ATP8A2: variants seen among roughly 807,000 people sequenced by gnomAD.
ATP8A2 encodes the protein ATPase phospholipid transporting 8A2.
Under a neutral mutation model 165.6 loss-of-function variants are expected in ATP8A2, and 100 were observed. The observed-to-expected ratio is 0.60, with a 90% CI of 0.51 to 0.71. The LOEUF is 0.71. ATP8A2 is among the 30% of genes least tolerant of loss of function. The pLI is 0.00. For synonymous variants in ATP8A2, 543 were observed against 548.8 expected (o/e 0.99, Z 0.15); for missense variants, 1,227 against 1,479.5 (o/e 0.83, Z 2.80).
chr13:25,399,896 T>TTCTCCTC (rs1555264991), intron 1 of ATP8A2, among the ~76,000 whole-genome samples: 27 of 37,086 alleles, frequency 7.3e-4, no homozygotes, highest in Middle Eastern at 0.014. Context: ...CTCCTCCTCC[T>TTCTCCTC]CTTATTCTTC....
intron 25 of ATP8A2, among the ~76,000 whole-genome samples, chr13:25,712,292 G>A (rs1050264243): frequency 6.6e-6 from 1 of 152,144 alleles, no homozygotes; most frequent in Non-Finnish European, 1.5e-5. Context: ...CTCTCAGTCT[G>A]CACAGTACCA....
chr13:25,619,878 T>C (rs1346376113), intron 24 of ATP8A2, among the ~76,000 whole-genome samples: 1 of 152,206 alleles, frequency 6.6e-6, no homozygotes, highest in East Asian at 1.9e-4. Context: ...TGAAAACCGT[T>C]CTTAGATTAC....
At chr13:26,002,650 C>G (rs1956653233) in intron 35 of ATP8A2, among the ~76,000 whole-genome samples, 1 of 151,658 alleles carries the variant, frequency 6.6e-6, no homozygotes, top group Non-Finnish European at 1.5e-5. Context: ...CTCCTCCACT[C>G]TCAACCCCAG....
chr13:25,646,995 T>C (rs931064090), intron 24 of ATP8A2, among the ~76,000 whole-genome samples: 2 of 152,236 alleles, frequency 1.3e-5, no homozygotes, highest in South Asian at 4.1e-4. Context: ...TTTGATTACA[T>C]GCAACAACAC....
In ATP8A2 at chr13:25,696,099, C is replaced by T. The variant is rs552948389; in HGVS notation, c.2212-3074C>T. Among the ~76,000 whole-genome samples the T allele has an allele frequency of 5.3e-5, 8 of 152,314 alleles. No homozygotes were observed. The South Asian group carries it at 1.0e-3, about 20-fold the overall frequency. On this transcript the variant is annotated intron_variant, in intron 24 of 36. Coordinates refer to ENST00000381655, the MANE Select transcript of ATP8A2 (RefSeq NM_016529.6). Reference sequence around the variant, plus strand: ...CATGAAAACAACATTCATTCATCAACGATGTCTCTATCAGAGCTTTGGGTG... The same window carrying T: ...CATGAAAACAACATTCATTCATCAATGATGTCTCTATCAGAGCTTTGGGTG...
At position 25,549,317 on chromosome 13, in the gene ATP8A2, G is replaced by T. The variant is rs562779875; in HGVS notation, c.892-2021G>T. On this transcript the variant is annotated intron_variant, in intron 10 of 36. Coordinates refer to ENST00000381655, the MANE Select transcript of ATP8A2 (RefSeq NM_016529.6). The stretch of plus-strand genomic sequence containing the variant: ...TACTAAAAATACAAAAAAATTAGTC[G>T]GGCATGGTGGCGCACACTTGTAATC... 5.3e-5 allele frequency among the ~76,000 whole-genome samples: 8 copies of T among 152,118 alleles called. No homozygotes were observed. The South Asian group carries it at 1.7e-3, about 32-fold the overall frequency.
At chr13:25,802,370 A>C (rs1220942489) in intron 27 of ATP8A2, among the ~76,000 whole-genome samples, 19 of 152,188 alleles carry the variant, frequency 1.2e-4, no homozygotes. Context: ...GCATTGAAAG[A>C]TGGGATGACT....
At chr13:25,785,637 A>G (rs2045005259) in intron 27 of ATP8A2, among the ~76,000 whole-genome samples, 2 of 152,176 alleles carry the variant, frequency 1.3e-5, no homozygotes, top group Non-Finnish European at 2.9e-5. Flanking sequence ...TACTTCTGTG[A>G]CAATGTCTGA....
At chr13:25,590,967 C>G (rs2040057095) in intron 24 of ATP8A2, among the ~76,000 whole-genome samples, 1 of 152,066 alleles carries the variant, frequency 6.6e-6, no homozygotes, top group African/African-American at 2.4e-5. Context: ...TATCCTTGTT[C>G]ATGTTACTGC....
intron 33 of ATP8A2, among the ~76,000 whole-genome samples, chr13:25,876,417 A>T (rs74424508): frequency 0.016 from 2,382 of 152,284 alleles, 21 homozygotes; most frequent in Non-Finnish European, 0.027. Flanking sequence ...GAACTGGGGA[A>T]AGGAGAGCAA....
At chr13:25,800,764 C>G (rs1281260870) in intron 27 of ATP8A2, among the ~76,000 whole-genome samples, 2 of 66,326 alleles carry the variant, frequency 3.0e-5, no homozygotes, top group Admixed American at 2.0e-4. Context: ...CCACCCATGC[C>G]TGGAAAACCT....
intron 27 of ATP8A2, 67 bp from the exon 28 acceptor site, chr13:25,828,051 T>C: frequency 7.7e-7 from 1 of 1,294,100 alleles, no homozygotes; most frequent in Non-Finnish European, 1.1e-6. Flanking sequence ...TCCCGCTACT[T>C]CTTCAGTGAA....
intron 2 of ATP8A2, among the ~76,000 whole-genome samples, chr13:25,496,755 T>C (rs2137672356): frequency 6.6e-6 from 1 of 152,322 alleles, no homozygotes; most frequent in East Asian, 1.9e-4. Context: ...CAATTTGTTC[T>C]CTTAGAGAGG....
chr13:25,557,429 C>T (rs538660773), intron 13 of ATP8A2, among the ~76,000 whole-genome samples: 42 of 152,142 alleles, frequency 2.8e-4, no homozygotes, highest in African/African-American at 8.9e-4. Context: ...TGGTAAAATC[C>T]TTCTCCTGTA....
chr13:25,836,761 A>T (rs913114853), intron 28 of ATP8A2, among the ~76,000 whole-genome samples: 2 of 152,218 alleles, frequency 1.3e-5, no homozygotes, highest in African/African-American at 2.4e-5. Context: ...GAAGTACATT[A>T]TGCTTCCTGA....
chr13:26,001,548 G>T (rs955665897), intron 35 of ATP8A2, among the ~76,000 whole-genome samples: 3 of 152,032 alleles, frequency 2.0e-5, no homozygotes, highest in Admixed American at 2.0e-4. Context: ...TGGTTTTGGG[G>T]TTTTTTTAAT....
chr13:25,808,390 G>C (rs2138498140), intron 27 of ATP8A2, among the ~76,000 whole-genome samples: 1 of 152,054 alleles, frequency 6.6e-6, no homozygotes, highest in East Asian at 1.9e-4. Flanking sequence ...CTTGAGGTCA[G>C]GAGTCTGAGA....
chr13:25,410,318 A>G (rs1482360278), intron 1 of ATP8A2, among the ~76,000 whole-genome samples: 1 of 151,954 alleles, frequency 6.6e-6, no homozygotes, highest in African/African-American at 2.4e-5. Flanking sequence ...GAAGCTTTTC[A>G]CCTTTTGTTC....
intron 25 of ATP8A2, among the ~76,000 whole-genome samples, chr13:25,709,176 G>A (rs9507554): frequency 0.15 from 22,775 of 152,094 alleles, 1,817 homozygotes; most frequent in South Asian, 0.19. Flanking sequence ...TGACACCTGG[G>A]TCATCTGAGC....
Sources: allele counts gnomAD v4.1 joint callset (sites outside exome capture counted in the v4.1 genomes callset), GRCh38; gene constraint gnomAD v4.1.1; transcripts MANE v1.5; gene names NCBI Gene and HGNC (gene_info 2026-07-23, HGNC 2026-07-21).